NR1H2: variants seen among roughly 807,000 people sequenced by gnomAD.
The protein encoded by NR1H2 is oxysterols receptor LXR-beta.
NR1H2 carries 33 observed loss-of-function variants against 51.2 expected under a neutral mutation model. The ratio of observed to expected loss-of-function variants is 0.64; its 90% CI spans 0.49 to 0.86. The LOEUF (loss-of-function observed/expected upper bound fraction) is 0.86. Ranked by LOEUF, NR1H2 falls within the 40% of genes least tolerant of loss-of-function variation. The probability of loss-of-function intolerance (pLI) is 0.00; values close to 1 mark genes in which losing one functional copy is unlikely to be tolerated. For missense variants in NR1H2, 592 were observed against 639.9 expected (o/e 0.93, Z 0.81); for synonymous variants, 310 against 264.3 (o/e 1.17, Z -1.68).
rs761906327 is a variant in NR1H2 at position 50,377,772 on chromosome 19, C to T, written c.83C>T (p.Pro28Leu). 12 of 1,610,606 alleles carry T rather than the reference C, an allele frequency of 7.5e-6. No homozygotes were observed. The highest frequency in any genetic ancestry group is 1.0e-5 in the Non-Finnish European group (12 of 1,178,396). The part of the protein sequence containing the change: ...PPQPGAPSSS[P>L]TVKEEGPEPW... ...CAGCCTGGCGCCCCTTCTTCTTCACCCACTGTAAAGGAGGAGGGTCCGGAG... is the reference window on the plus strand; with the variant it reads ...CAGCCTGGCGCCCCTTCTTCTTCACTCACTGTAAAGGAGGAGGGTCCGGAG... The change falls in exon 4 of 10, where the codon CCC becomes CTC. Residue 28 changes from proline (P) to leucine (L), a missense_variant. Coordinates refer to ENST00000253727, the MANE Select transcript of NR1H2 (RefSeq NM_007121.7).
Position 50,382,147 on chromosome 19 carries a change from G to A in NR1H2, c.1209G>A (p.Leu403=), listed in dbSNP as rs1457550751. 3.2e-6 allele frequency: 5 copies of A among 1,539,308 alleles called. No individual in the cohort carries two copies. The highest frequency in any genetic ancestry group is 4.4e-6 in the Non-Finnish European group (5 of 1,145,850). The change falls in exon 9 of 10, where the codon CTG becomes CTA. Residue 403 remains leucine, a synonymous_variant. Coordinates refer to ENST00000253727, the MANE Select transcript of NR1H2 (RefSeq NM_007121.7). ...ALQQPYVEAL[L]SYTRIKRPQD... is the part of the protein sequence containing the mutation. ...AGCAGCCCTACGTGGAGGCGCTGCTGTCCTACACGCGCATCAAGAGGCCGC... is the reference window on the plus strand; with the variant it reads ...AGCAGCCCTACGTGGAGGCGCTGCTATCCTACACGCGCATCAAGAGGCCGC...
Position 50,379,060 on chromosome 19 carries a change from A to G in NR1H2, c.806A>G (p.His269Arg), listed in dbSNP as rs1568594992. 1 of 1,613,918 alleles carries G rather than the reference A, an allele frequency of 6.2e-7. No individual in the cohort carries two copies. Among genetic ancestry groups the G allele is most frequent in the Non-Finnish European group, 8.5e-7 (1 of 1,180,006 alleles). Reference protein sequence around the residue: ...SRDARQQRFAHFTELAIISVQ... With the variant: ...SRDARQQRFARFTELAIISVQ... ...GATGCCCGCCAGCAACGCTTTGCCC[A>G]CTTCACGGAGCTGGCCATCATCTCA... The change falls in exon 7 of 10, where the codon CAC (histidine) becomes CGC (arginine). Residue 269 changes from histidine (H) to arginine (R), a missense_variant. This residue lies in a region of NR1H2 where 102 missense variants were observed against 152.4 expected (regional missense o/e 0.67). Transcript: ENST00000253727.
At chr19:50,381,467 C>G (rs919787234) in intron 8 of NR1H2, among the ~76,000 whole-genome samples, 12 of 152,212 alleles carry the variant, frequency 7.9e-5, no homozygotes, top group Admixed American at 7.2e-4. Flanking sequence ...ATGTGTTTGT[C>G]TATGACCGGT....
rs766633165 is a variant in NR1H2 at position 50,378,982 on chromosome 19, C to A, written c.748-20C>A. On this transcript the variant is annotated intron_variant, in intron 6 of 9. Transcript: ENST00000253727. ...AGGCTCACAAAGACCTGGGAGTGAC[C>A]CTGGTCTCCTGTGTCCCAGCCCTGG... is the stretch of plus-strand genomic sequence containing the variant. The A allele has an allele frequency of 1.2e-5, 19 of 1,591,954 alleles. No individual in the cohort carries two copies. The highest frequency in any genetic ancestry group is 1.4e-5 in the Non-Finnish European group (16 of 1,169,586).
chr19:50,379,097 C>A lies in NR1H2; in HGVS notation c.843C>A (p.Ile281=), dbSNP rs145512629. The change falls in exon 7 of 10, where the codon ATC becomes ATA. Residue 281 remains isoleucine, a synonymous_variant. Coordinates refer to ENST00000253727, the MANE Select transcript of NR1H2 (RefSeq NM_007121.7). Reference sequence around the variant, plus strand: ...TGGCCATCATCTCAGTCCAGGAGATCGTGGACTTCGCTAAGCAAGTGCCTG... The same window carrying A: ...TGGCCATCATCTCAGTCCAGGAGATAGTGGACTTCGCTAAGCAAGTGCCTG... ...TELAIISVQE[I]VDFAKQVPGF... The A allele has an allele frequency of 1.2e-6, 2 of 1,614,054 alleles. No individual in the cohort carries two copies. Among genetic ancestry groups the A allele is most frequent in the South Asian group, 2.2e-5 (2 of 91,082 alleles).
At chr19:50,380,979 C>T (rs142926831) in intron 8 of NR1H2, among the ~76,000 whole-genome samples, 30 of 152,206 alleles carry the variant, frequency 2.0e-4, no homozygotes, top group Non-Finnish European at 3.1e-4. Flanking sequence ...CCGCGGCTCC[C>T]GTCTCACTGG....
chr19:50,382,676 C>T lies in NR1H2; in HGVS notation c.*74C>T, dbSNP rs1409695994. On this transcript the variant is annotated 3_prime_UTR_variant, in exon 10 of 10. Transcript: ENST00000253727. ...ATAGACGCCGGCACCCCTTCCTCTTCCTAGGGTGGAAGGGGCCCTGGGCCG... is the reference window on the plus strand; with the variant it reads ...ATAGACGCCGGCACCCCTTCCTCTTTCTAGGGTGGAAGGGGCCCTGGGCCG... 103 of 1,451,192 alleles carry T rather than the reference C, an allele frequency of 7.1e-5. No individual in the cohort carries two copies. The highest frequency in any genetic ancestry group is 9.0e-5 in the Non-Finnish European group (98 of 1,092,914). The allele number at this position is 1,451,192 out of a possible 1,614,324, so 89.9% of individuals were successfully genotyped here. A position where few individuals can be genotyped will look rare whatever the true frequency, so the allele number is the denominator to read the frequency against.
At position 50,382,081 on chromosome 19, in the gene NR1H2, C is replaced by T; in HGVS notation, c.1143C>T (p.Asp381=). 11 of 1,551,144 alleles carry T rather than the reference C, an allele frequency of 7.1e-6. No homozygotes were observed. The highest frequency in any genetic ancestry group is 9.6e-6 in the Non-Finnish European group (11 of 1,148,090). The change falls in exon 9 of 10, where the codon GAC becomes GAT. Residue 381 remains aspartate, a synonymous_variant. Transcript: ENST00000253727. ...LLIAINIFSA[D]RPNVQEPGRV... is the part of the protein sequence containing the mutation. ...TCGCCATCAACATCTTCTCGGCCGACCGGCCCAACGTGCAGGAGCCGGGCC... is the reference window on the plus strand; with the variant it reads ...TCGCCATCAACATCTTCTCGGCCGATCGGCCCAACGTGCAGGAGCCGGGCC...
Position 50,378,599 on chromosome 19 carries a change from C to T in NR1H2, c.550C>T (p.Pro184Ser), listed in dbSNP as rs761366399. Residue 184 changes from proline (P) to serine (S), a missense_variant, in exon 6 of 10, where the codon CCT (proline) becomes TCT (serine). Around this residue, in one of 3 missense-constraint regions of NR1H2, gnomAD observed 316 missense variants for 313.4 expected, o/e 1.01. Coordinates refer to ENST00000253727, the MANE Select transcript of NR1H2 (RefSeq NM_007121.7). ...GGAGTCACAGTCACAGTCGCAGTCA[C>T]CTGTGGGGCCGCAGGGCAGCAGCAG... ...QQESQSQSQS[P>S]VGPQGSSSSA... 6.2e-7 allele frequency: 1 copy of T among 1,613,896 alleles called. No individual in the cohort carries two copies. The highest frequency in any genetic ancestry group is 1.3e-5 in the African/African-American group (1 of 74,920).
Position 50,381,955 on chromosome 19 carries a change from C to T in NR1H2, c.1028-11C>T, listed in dbSNP as rs889003698. ...GGCTGAGGGAGTCACGGGCTGCCTC[C>T]CGCCCCGCAGGCCTGCAGGTGGAGT... On this transcript the variant is annotated splice_polypyrimidine_tract_variant and intron_variant, in intron 8 of 9. Transcript: ENST00000253727. The T allele has an allele frequency of 6.5e-7, 1 of 1,546,608 alleles. No individual in the cohort carries two copies. The highest frequency in any genetic ancestry group is 2.0e-5 in the Admixed American group (1 of 50,806).
intron 8 of NR1H2, 41 bp downstream of exon 8, chr19:50,379,920 G>GGT: frequency 1.5e-6 from 2 of 1,366,514 alleles, no homozygotes; most frequent in Non-Finnish European, 2.1e-6. Context: ...TGGCGCCCCT[G>GGT]CTGGCTGGAA....
In NR1H2 at chr19:50,377,883, C is replaced by T. The variant is rs767078865; in HGVS notation, c.181+13C>T. 5 of 1,533,040 alleles carry T rather than the reference C, an allele frequency of 3.3e-6. No individual in the cohort carries two copies. Among genetic ancestry groups the T allele is most frequent in the Non-Finnish European group, 4.4e-6 (5 of 1,144,668 alleles). The allele number at this position is 1,533,040 out of a possible 1,614,324, so 95.0% of individuals were successfully genotyped here. A position where few individuals can be genotyped will look rare whatever the true frequency, so the allele number is the denominator to read the frequency against. On this transcript the variant is annotated intron_variant, in intron 4 of 9. Transcript: ENST00000253727. ...AGCACAGACTGGGGTGAGACAGGGCCCTGGAGTTGATGTGGGGGCTTGGGG... is the reference window on the plus strand; with the variant it reads ...AGCACAGACTGGGGTGAGACAGGGCTCTGGAGTTGATGTGGGGGCTTGGGG...
Position 50,382,497 on chromosome 19 carries a change from C to T in NR1H2, c.1278C>T (p.Ser426=). 1 of 1,610,574 alleles carries T rather than the reference C, an allele frequency of 6.2e-7. No homozygotes were observed. Among genetic ancestry groups the T allele is most frequent in the South Asian group, 1.1e-5 (1 of 90,878 alleles). ...CGCGCATGCTCATGAAGCTGGTGAG[C>T]CTGCGCACGCTGAGCTCTGTGCACT... ...RFPRMLMKLV[S]LRTLSSVHSE... is the part of the protein sequence containing the mutation. The change falls in exon 10 of 10, where the codon AGC becomes AGT. Residue 426 remains serine (S), a synonymous_variant. Transcript: ENST00000253727.
Position 50,378,162 on chromosome 19 carries a change from C to G in NR1H2, c.195C>G (p.Pro65=), listed in dbSNP as rs1436974972. The change falls in exon 5 of 10, where the codon CCC becomes CCG. Residue 65 remains proline (P), a synonymous_variant. Coordinates refer to ENST00000253727, the MANE Select transcript of NR1H2 (RefSeq NM_007121.7). Reference sequence around the variant, plus strand: ...TACCCACCCCAGTCATCCCAGATCCCGAAGAGGAACCAGAGCGCAAGCGAA... The same window carrying G: ...TACCCACCCCAGTCATCCCAGATCCGGAAGAGGAACCAGAGCGCAAGCGAA... ...ACSTDWVIPD[P]EEEPERKRKK... 3.1e-6 allele frequency: 5 copies of G among 1,609,552 alleles called. No individual in the cohort carries two copies. The East Asian group carries it at 6.7e-5, about 22-fold the overall frequency.
chr19:50,382,366 C>T (rs1352223483), intron 9 of NR1H2, 90 bp from the exon 10 acceptor site: 2 of 1,485,240 alleles, frequency 1.3e-6, no homozygotes, highest in Non-Finnish European at 1.8e-6. Context: ...CACGCCTGGT[C>T]GGGGAGGGGC....
At position 50,376,568 on chromosome 19, in the gene NR1H2, G is replaced by A. The variant is rs1601137171; in HGVS notation, c.-136G>A. The A allele has an allele frequency of 2.0e-5, 3 of 152,320 alleles. No individual in the cohort carries two copies. The highest frequency in any genetic ancestry group is 2.0e-4 in the Admixed American group (3 of 15,288). 9.4% of individuals were successfully genotyped at this position (152,320 alleles called of 1,614,324 possible). Reference sequence around the variant, plus strand: ...GGAGGACGAAGAAAAGCAGAGCAAGGGAACCCAGGTAGGTGCACCCGAGAG... The same window carrying A: ...GGAGGACGAAGAAAAGCAGAGCAAGAGAACCCAGGTAGGTGCACCCGAGAG... On this transcript the variant is annotated 5_prime_UTR_variant, in exon 1 of 10. Coordinates refer to ENST00000253727, the MANE Select transcript of NR1H2 (RefSeq NM_007121.7).
Position 50,378,266 on chromosome 19 carries a change from A to G in NR1H2, c.299A>G (p.Asn100Ser). ...GACAAGGCCTCCGGCTTCCACTACA[A>G]CGTGCTCAGCTGCGAAGGCTGCAAG... ...CGDKASGFHY[N>S]VLSCEGCKGF... Residue 100 changes from asparagine to serine, a missense_variant, in exon 5 of 10, where the codon AAC becomes AGC. Physicochemically the swap from Asn to Ser is conservative, Grantham distance 46 (BLOSUM62 1). Transcript: ENST00000253727. 1.9e-6 allele frequency: 3 copies of G among 1,613,596 alleles called. No homozygotes were observed. The highest frequency in any genetic ancestry group is 1.7e-6 in the Non-Finnish European group (2 of 1,180,044).
rs1307618705 is a variant in NR1H2 at position 50,382,437 on chromosome 19, C to G, written c.1237-19C>G. The G allele has an allele frequency of 6.4e-7, 1 of 1,574,558 alleles. No individual in the cohort carries two copies. Among genetic ancestry groups the G allele is most frequent in the Non-Finnish European group, 8.6e-7 (1 of 1,164,210 alleles). On this transcript the variant is annotated intron_variant, in intron 9 of 9. Transcript: ENST00000253727. ...GCAGGGCAGGGGCTCAGCCAGCGCC[C>G]ACCTGCCTCCTCCCTCAGGACCAGC...
chr19:50,380,755 C>T (rs1279220489), intron 8 of NR1H2, among the ~76,000 whole-genome samples: 1 of 152,160 alleles, frequency 6.6e-6, no homozygotes, highest in Non-Finnish European at 1.5e-5. Context: ...GAGGCCCAGG[C>T]AGCTGGAGCA....
Sources: allele counts gnomAD v4.1 joint callset (sites outside exome capture counted in the v4.1 genomes callset), GRCh38; gene constraint gnomAD v4.1.1; regional missense constraint gnomAD v4.1.1; transcripts MANE v1.5; gene names NCBI Gene and HGNC (gene_info 2026-07-23, HGNC 2026-07-21).